The following SPECC1 variants were observed in gnomAD, a reference collection of about 807,000 sequenced individuals.
SPECC1 encodes the protein sperm antigen with calponin homology and coiled-coil domains 1, also known as cytospin-B.
In SPECC1, 62 loss-of-function variants were observed where a neutral mutation model predicts 104.1. The observed-to-expected ratio is 0.60, with a 90% confidence interval of 0.49 to 0.74. The LOEUF is 0.74. Among genes scored for constraint, SPECC1 ranks in the 30% least tolerant of loss-of-function variants. The pLI, the probability that SPECC1 is intolerant of heterozygous loss-of-function variation, is 0.00. For missense variants in SPECC1, 1,306 were observed against 1,310.5 expected, an observed-to-expected ratio of 1.00 and a Z score of 0.05; for synonymous variants, 513 against 501.6, an observed-to-expected ratio of 1.02 and a Z score of -0.30.
intron 7 of SPECC1, among the ~76,000 whole-genome samples, chr17:20,235,222 C>T (rs1361733874): frequency 6.6e-6 from 1 of 152,222 alleles, no homozygotes; most frequent in Non-Finnish European, 1.5e-5. Context: ...CCTTGAACCT[C>T]TTTGACACAG....
intron 4 of SPECC1, among the ~76,000 whole-genome samples, chr17:20,210,277 C>T (rs1336930391): frequency 6.6e-6 from 1 of 152,178 alleles, no homozygotes; most frequent in Admixed American, 6.5e-5. Flanking sequence ...GAGAAACTGC[C>T]CTCCTGTCAG....
chr17:20,232,504 C>A, intron 7 of SPECC1, 99 bp downstream of exon 7: 1 of 1,349,228 alleles, frequency 7.4e-7, no homozygotes, highest in Non-Finnish European at 1.0e-6. Context: ...CCAGGTTCTG[C>A]TATTTCCTTT....
intron 1 of SPECC1, among the ~76,000 whole-genome samples, chr17:20,039,318 C>G (rs2045226533): frequency 6.6e-6 from 1 of 152,002 alleles, no homozygotes; most frequent in South Asian, 2.1e-4. Context: ...ATTTTTTTGT[C>G]TAGTTGTTCT....
chr17:20,276,883 T>C (rs866153964), intron 12 of SPECC1, among the ~76,000 whole-genome samples: 53 of 152,312 alleles, frequency 3.5e-4, no homozygotes, highest in African/African-American at 1.0e-3. Context: ...CTGGGCCCAG[T>C]TGCTCTTGCC....
intron 1 of SPECC1, among the ~76,000 whole-genome samples, chr17:20,036,745 A>G (rs1200590627): frequency 6.6e-6 from 1 of 152,188 alleles, no homozygotes; most frequent in South Asian, 2.1e-4. Flanking sequence ...CAATCATGTC[A>G]TCTGCAAACA....
intron 12 of SPECC1, among the ~76,000 whole-genome samples, chr17:20,276,542 T>C (rs1264174118): frequency 6.6e-6 from 1 of 152,216 alleles, no homozygotes; most frequent in East Asian, 1.9e-4. Context: ...CATTTTCTTG[T>C]GGCTGTATGT....
chr17:20,313,011 T>TTA (rs2142248799), intron 14 of SPECC1, among the ~76,000 whole-genome samples: 1 of 152,288 alleles, frequency 6.6e-6, no homozygotes, highest in Non-Finnish European at 1.5e-5. Flanking sequence ...CTATTCTCTT[T>TTA]TAACCACACA....
At chr17:20,216,426 A>T (rs1359860931) in intron 4 of SPECC1, among the ~76,000 whole-genome samples, 1 of 152,106 alleles carries the variant, frequency 6.6e-6, no homozygotes, top group East Asian at 1.9e-4. Context: ...AAGTAGCATG[A>T]CTCAGCCTCC....
chr17:20,076,304 A>G lies in SPECC1; in HGVS notation c.-21-20327A>G, dbSNP rs555581481. On this transcript the variant is annotated intron_variant, in intron 1 of 14. Coordinates refer to ENST00000395527, the MANE Select transcript of SPECC1 (RefSeq NM_001243439.2). ...GACTTCTGCCTCCCAGCCTCAAACT[A>G]TCCTCCCACCTCAGCCTCCCAGGTA... Among the ~76,000 whole-genome samples, 10 of 152,230 alleles carry G rather than the reference A, an allele frequency of 6.6e-5. No homozygotes were observed. The South Asian group carries it at 1.0e-3, about 16-fold the overall frequency.
chr17:20,174,153 A>C (rs942270522), intron 3 of SPECC1, among the ~76,000 whole-genome samples: 1 of 149,638 alleles, frequency 6.7e-6, no homozygotes, highest in Non-Finnish European at 1.5e-5. Context: ...CTGGTTTTGA[A>C]CTCCTGACCT....
chr17:20,305,304 C>T (rs1010007869), intron 13 of SPECC1, among the ~76,000 whole-genome samples: 3 of 152,116 alleles, frequency 2.0e-5, no homozygotes, highest in Non-Finnish European at 4.4e-5. Context: ...TAATTTACTC[C>T]TGACATACAA....
At chr17:20,211,437 C>G (rs761579610) in intron 4 of SPECC1, among the ~76,000 whole-genome samples, 23 of 152,236 alleles carry the variant, frequency 1.5e-4, no homozygotes, top group Non-Finnish European at 3.2e-4. Context: ...AGCCCCACAG[C>G]TGTTGCACCA....
In SPECC1 at chr17:20,104,847, G is replaced by A. The variant is rs569233585; in HGVS notation, c.148-5580G>A. Among the ~76,000 whole-genome samples the A allele has an allele frequency of 3.3e-5, 5 of 151,178 alleles. No individual in the cohort carries two copies. The South Asian group carries it at 1.0e-3, about 32-fold the overall frequency. ...TCCAGGGCTCCATGGCTCACAGGTT[G>A]CCCGATTCCTAATACAGCATGGTAC... is the stretch of plus-strand genomic sequence containing the variant. On this transcript the variant is annotated intron_variant, in intron 2 of 14. Coordinates refer to ENST00000395527, the MANE Select transcript of SPECC1 (RefSeq NM_001243439.2).
intron 1 of SPECC1, among the ~76,000 whole-genome samples, chr17:20,022,207 C>T (rs897871437): frequency 6.6e-5 from 10 of 151,858 alleles, no homozygotes; most frequent in African/African-American, 2.4e-4. Flanking sequence ...TCCCAAAGTG[C>T]TGGGATTACA....
rs2152521695 is a variant in SPECC1, at chr17:20,109,324, G to A, written c.148-1103G>A. Reference sequence around the variant, plus strand: ...AGGGCTTTTCCTTACTGTGTGCTCTGGATGTCAGATACATTAGACAGCTTT... The same window carrying A: ...AGGGCTTTTCCTTACTGTGTGCTCTAGATGTCAGATACATTAGACAGCTTT... On this transcript the variant is annotated intron_variant, in intron 2 of 14. Transcript: ENST00000395527. 2.6e-5 allele frequency among the ~76,000 whole-genome samples: 4 copies of A among 152,290 alleles called. 1 individual carries two copies. The South Asian group carries it at 8.3e-4, about 32-fold the overall frequency.
At chr17:20,189,557 C>T (rs1195798980) in intron 3 of SPECC1, among the ~76,000 whole-genome samples, 1 of 152,164 alleles carries the variant, frequency 6.6e-6, no homozygotes, top group Non-Finnish European at 1.5e-5. Flanking sequence ...ACCATTATCT[C>T]TCCTCAGAAA....
chr17:20,245,555 GT>G (rs765172327), intron 7 of SPECC1, among the ~76,000 whole-genome samples: 1 of 152,032 alleles, frequency 6.6e-6, no homozygotes, highest in Non-Finnish European at 1.5e-5. Flanking sequence ...TCGGCAGCCG[GT>G]CCACTGCATT....
At chr17:20,270,987 T>C (rs2040388877) in intron 12 of SPECC1, among the ~76,000 whole-genome samples, 1 of 152,242 alleles carries the variant, frequency 6.6e-6, no homozygotes, top group African/African-American at 2.4e-5. Context: ...ATCTTTCTTC[T>C]GTGAATTACT....
At chr17:20,095,923 GA>G (rs1211620539) in intron 1 of SPECC1, 2 of 152,428 alleles carry the variant, frequency 1.3e-5, no homozygotes, top group African/African-American at 4.8e-5. Context: ...GTGAGGGATG[GA>G]CCAGGCCGCT....
Sources: gnomAD v4.1 joint callset for allele counts (sites outside exome capture counted in the v4.1 genomes callset) on GRCh38, gnomAD v4.1.1 for gene constraint, MANE v1.5 for transcripts, NCBI Gene and HGNC (gene_info 2026-07-23, HGNC 2026-07-21) for gene names.